The following MAP2K1 variants were observed in gnomAD, a reference collection of about 807,000 sequenced individuals.
MAP2K1 encodes dual specificity mitogen-activated protein kinase kinase 1.
A neutral mutation model predicts 46.3 loss-of-function variants in MAP2K1; 16 were observed. That is an observed-to-expected ratio of 0.35 (90% CI 0.23 to 0.52). The LOEUF (loss-of-function observed/expected upper bound fraction) is 0.52, where lower values mean the gene tolerates loss of function less well. Among genes scored for constraint, MAP2K1 ranks in the 20% least tolerant of loss-of-function variants. The pLI, the probability that MAP2K1 is intolerant of heterozygous loss-of-function variation, is 0.94. For synonymous variants in MAP2K1, 183 were observed against 185.6 expected, an observed-to-expected ratio of 0.99 and a Z score of 0.11; for missense variants, 263 against 497.1, an observed-to-expected ratio of 0.53 and a Z score of 4.48.
At chr15:66,395,857 G>T (rs146257440) in intron 1 of MAP2K1, among the ~76,000 whole-genome samples, 2 of 151,822 alleles carry the variant, frequency 1.3e-5, no homozygotes, top group East Asian at 3.9e-4. Flanking sequence ...GATTACAGGC[G>T]CCTGGCCCTC....
chr15:66,413,532 G>A (rs2093416557), intron 1 of MAP2K1, among the ~76,000 whole-genome samples: 1 of 152,110 alleles, frequency 6.6e-6, no homozygotes, highest in African/African-American at 2.4e-5. Flanking sequence ...AAAGATTATG[G>A]CAGATTTCAC....
intron 5 of MAP2K1, among the ~76,000 whole-genome samples, chr15:66,466,902 TCA>T (rs1567020049): frequency 6.6e-6 from 1 of 152,334 alleles, no homozygotes; most frequent in East Asian, 1.9e-4. Context: ...TGTTTTGATG[TCA>T]CAGTCTTTAA....
At chr15:66,473,027 G>A (rs1422250302) in intron 5 of MAP2K1, among the ~76,000 whole-genome samples, 3 of 152,160 alleles carry the variant, frequency 2.0e-5, no homozygotes, top group Non-Finnish European at 4.4e-5. Flanking sequence ...GCTAACTTCC[G>A]TTTCTTGAAT....
At chr15:66,404,928 A>T (rs2093392515) in intron 1 of MAP2K1, among the ~76,000 whole-genome samples, 1 of 152,136 alleles carries the variant, frequency 6.6e-6, no homozygotes, top group African/African-American at 2.4e-5. Flanking sequence ...CACTGCTGTT[A>T]ATCTGTGGGG....
intron 5 of MAP2K1, among the ~76,000 whole-genome samples, chr15:66,449,342 G>A (rs555558345): frequency 6.6e-6 from 1 of 152,302 alleles, no homozygotes; most frequent in South Asian, 2.1e-4. Context: ...AACATGCTAA[G>A]TGGAAGAAGC....
intron 5 of MAP2K1, among the ~76,000 whole-genome samples, chr15:66,462,496 CAAAAAAAAAAAAA>C (rs551065737): frequency 1.4e-5 from 1 of 72,900 alleles, no homozygotes; most frequent in Non-Finnish European, 2.9e-5. Flanking sequence ...GACTCTGTCT[CAAAAAAAAAAAAA>C]AAAAAAAGAT....
At chr15:66,457,238 C>T (rs1367227795) in intron 5 of MAP2K1, among the ~76,000 whole-genome samples, 1 of 152,216 alleles carries the variant, frequency 6.6e-6, no homozygotes, top group Non-Finnish European at 1.5e-5. Context: ...CGTGCCTCAG[C>T]CTCCCAGGTA....
At chr15:66,401,293 A>G (rs1417254047) in intron 1 of MAP2K1, among the ~76,000 whole-genome samples, 1 of 152,218 alleles carries the variant, frequency 6.6e-6, no homozygotes, top group Non-Finnish European at 1.5e-5. Flanking sequence ...GTTGTTACAT[A>G]TTAACAGAAT....
rs2140689901 is a variant in MAP2K1 at position 66,491,424 on chromosome 15, CGT to C, written c.*812_*813del. 1 of 227,524 alleles carries C rather than the reference CGT, an allele frequency of 4.4e-6. No homozygotes were observed. Among genetic ancestry groups the C allele is most frequent in the South Asian group, 1.8e-4 (1 of 5,542 alleles). The allele number at this position is 227,524 out of a possible 1,614,324, so 14.1% of individuals were successfully genotyped here. Reference sequence around the variant, plus strand: ...CAAGTACCAATGCTGTTGTAAACAACGTGTATAGTGCCTAAAATTGTATGAAA... The same window carrying C: ...CAAGTACCAATGCTGTTGTAAACAACGTATAGTGCCTAAAATTGTATGAAA... On this transcript the variant is annotated 3_prime_UTR_variant, in exon 11 of 11. Coordinates refer to ENST00000307102, the MANE Select transcript of MAP2K1 (RefSeq NM_002755.4).
intron 3 of MAP2K1, among the ~76,000 whole-genome samples, chr15:66,438,424 T>C (rs1482902320): frequency 6.6e-6 from 1 of 152,218 alleles, no homozygotes; most frequent in African/African-American, 2.4e-5. Context: ...TCTTTTGAGA[T>C]ACTAGGAGGC....
At chr15:66,406,876 C>CA (rs1185268584) in intron 1 of MAP2K1, among the ~76,000 whole-genome samples, 4 of 151,928 alleles carry the variant, frequency 2.6e-5, no homozygotes, top group African/African-American at 9.7e-5. Context: ...GCTAAAAATA[C>CA]AAAAAATTAG....
intron 1 of MAP2K1, 29 bp downstream of exon 1, chr15:66,387,456 G>C: frequency 6.5e-7 from 1 of 1,548,438 alleles, no homozygotes; most frequent in Non-Finnish European, 8.7e-7. Flanking sequence ...GTGAACCTCG[G>C]GGCCCGGCTG....
chr15:66,431,161 T>TA (rs1227783036), intron 1 of MAP2K1, among the ~76,000 whole-genome samples: 1 of 152,198 alleles, frequency 6.6e-6, no homozygotes, highest in Non-Finnish European at 1.5e-5. Flanking sequence ...GTTTTGCTGA[T>TA]TTCAGTTAAA....
chr15:66,410,651 A>C (rs1206372547), intron 1 of MAP2K1, among the ~76,000 whole-genome samples: 2 of 152,202 alleles, frequency 1.3e-5, no homozygotes, highest in Non-Finnish European at 2.9e-5. Flanking sequence ...AAGAAGTTCC[A>C]GTATTCTACA....
At chr15:66,457,923 A>G (rs544082621) in intron 5 of MAP2K1, among the ~76,000 whole-genome samples, 8 of 151,768 alleles carry the variant, frequency 5.3e-5, no homozygotes, top group Non-Finnish European at 1.0e-4. Context: ...AGATCGTGTC[A>G]CTGCACTCCA....
chr15:66,407,954 G>A (rs1286798252), intron 1 of MAP2K1, among the ~76,000 whole-genome samples: 2 of 152,224 alleles, frequency 1.3e-5, no homozygotes, highest in African/African-American at 4.8e-5. Flanking sequence ...ATAACCTAAA[G>A]GCCGTGTGGC....
At chr15:66,486,971 C>T (rs1490605812) in intron 7 of MAP2K1, among the ~76,000 whole-genome samples, 2 of 152,180 alleles carry the variant, frequency 1.3e-5, no homozygotes, top group Non-Finnish European at 2.9e-5. Flanking sequence ...TATGTCTCTG[C>T]TTTACAAAAC....
intron 1 of MAP2K1, among the ~76,000 whole-genome samples, chr15:66,404,998 T>G (rs553225673): frequency 6.6e-6 from 1 of 152,348 alleles, no homozygotes; most frequent in South Asian, 2.1e-4. Flanking sequence ...ACATGGAACT[T>G]GTATCCCTAG....
chr15:66,425,499 T>C (rs1465389839), intron 1 of MAP2K1, among the ~76,000 whole-genome samples: 1 of 152,220 alleles, frequency 6.6e-6, no homozygotes, highest in Admixed American at 6.5e-5. Flanking sequence ...ATAGTCATTG[T>C]TCCTGAAAGA....
Sources: allele counts gnomAD v4.1 joint callset (sites outside exome capture counted in the v4.1 genomes callset), GRCh38; gene constraint gnomAD v4.1.1; transcripts MANE v1.5; gene names NCBI Gene and HGNC (gene_info 2026-07-23, HGNC 2026-07-21).